Variants in COA1 observed in about 807,000 individuals in gnomAD.
The protein encoded by COA1 is cytochrome c oxidase assembly factor 1.
COA1 carries 13 observed loss-of-function variants against 16.0 expected under a neutral mutation model. The ratio of observed to expected loss-of-function variants is 0.81; its 90% CI spans 0.53 to 1.29. The LOEUF is 1.29. Ranked by LOEUF, COA1 falls within the 50% of genes most tolerant of loss-of-function variation. COA1 has a pLI of 0.00. For synonymous variants in COA1, 65 were observed against 65.7 expected (o/e 0.99, Z 0.05); for missense variants, 179 against 177.0 (o/e 1.01, Z -0.06).
chr7:43,727,324 T>C (rs1435948341), intron 1 of COA1, among the ~76,000 whole-genome samples: 3 of 152,184 alleles, frequency 2.0e-5, no homozygotes, highest in Non-Finnish European at 2.9e-5. Context: ...TTTCTTAAAA[T>C]GTTAAACAGA....
At chr7:43,623,368 G>A (rs2084124288) in intron 6 of COA1, 2 of 546,214 alleles carry the variant, frequency 3.7e-6, no homozygotes, top group South Asian at 2.4e-5. Flanking sequence ...ACAATGGTGG[G>A]TAGAAGTGTG....
intron 6 of COA1, among the ~76,000 whole-genome samples, chr7:43,627,114 AT>A (rs2084640748): frequency 6.6e-6 from 1 of 152,222 alleles, no homozygotes; most frequent in Non-Finnish European, 1.5e-5. Context: ...CGGTTTATAA[AT>A]CCAGTTTTAA....
intron 1 of COA1, among the ~76,000 whole-genome samples, chr7:43,680,031 T>C (rs1190319951): frequency 6.6e-6 from 1 of 152,018 alleles, no homozygotes; most frequent in Non-Finnish European, 1.5e-5. Flanking sequence ...AGATAATAAA[T>C]AATGGAAAGA....
downstream of COA1, among the ~76,000 whole-genome samples, chr7:43,638,566 CTTTTTTTTTT>C (rs746584234): frequency 1.0e-5 from 1 of 97,426 alleles, no homozygotes; most frequent in African/African-American, 3.9e-5. Flanking sequence ...TTTTTCTTTC[CTTTTTTTTTT>C]TTTTTTTTTT....
chr7:43,727,391 C>T (rs1482034517), intron 1 of COA1, among the ~76,000 whole-genome samples: 1 of 152,198 alleles, frequency 6.6e-6, no homozygotes, highest in Non-Finnish European at 1.5e-5. Context: ...GAAATGAAAA[C>T]ATGATGTCCA....
At chr7:43,700,161 G>A (rs1177758951) in intron 1 of COA1, among the ~76,000 whole-genome samples, 1 of 151,998 alleles carries the variant, frequency 6.6e-6, no homozygotes, top group Non-Finnish European at 1.5e-5. Context: ...GCACCATCTA[G>A]TGGCAAATCT....
At chr7:43,651,346 C>T (rs2090734926) in intron 1 of COA1, among the ~76,000 whole-genome samples, 1 of 152,148 alleles carries the variant, frequency 6.6e-6, no homozygotes, top group African/African-American at 2.4e-5. Context: ...AAAGCACTGG[C>T]CAAGGTCTCT....
intron 4 of COA1, among the ~76,000 whole-genome samples, chr7:43,644,746 A>C: frequency 1.1e-5 from 1 of 91,196 alleles, no homozygotes; most frequent in African/African-American, 3.9e-5. Flanking sequence ...AGATAGATAG[A>C]TAGATAGATA....
At chr7:43,638,965 G>A (rs1363145652), downstream of COA1, 1 of 152,208 alleles carries the variant, frequency 6.6e-6, no homozygotes, top group Non-Finnish European at 1.5e-5. Flanking sequence ...AAAATGTTTG[G>A]AATAAAAACA....
At chr7:43,626,628 TTA>T (rs949845723) in intron 6 of COA1, 1 of 152,128 alleles carries the variant, frequency 6.6e-6, no homozygotes, top group African/African-American at 2.4e-5. Context: ...AGGCAAATAT[TTA>T]TCTCTCTGAA....
intron 1 of COA1, among the ~76,000 whole-genome samples, chr7:43,726,011 T>C (rs2095609991): frequency 6.6e-6 from 1 of 152,042 alleles, no homozygotes; most frequent in Admixed American, 6.6e-5. Context: ...ATAGCTACAC[T>C]CAACCTCTGC....
intron 3 of COA1, chr7:43,647,107 T>G (rs1021945808): frequency 1.6e-5 from 3 of 189,022 alleles, no homozygotes; most frequent in African/African-American, 7.0e-5. Context: ...TTGCTCATGG[T>G]CCCTCCTCCA....
chr7:43,708,692 T>C (rs1164179800), intron 1 of COA1, among the ~76,000 whole-genome samples: 1 of 152,226 alleles, frequency 6.6e-6, no homozygotes. Context: ...ATTATTCTAC[T>C]GGCTTGTCTT....
intron 6 of COA1, among the ~76,000 whole-genome samples, chr7:43,610,130 A>G (rs963797363): frequency 1.3e-5 from 2 of 150,278 alleles, no homozygotes; most frequent in African/African-American, 4.9e-5. Context: ...GCGGATCACA[A>G]GGTCAGGAGA....
intron 6 of COA1, among the ~76,000 whole-genome samples, chr7:43,628,391 C>T (rs1047345089): frequency 2.0e-5 from 3 of 152,102 alleles, no homozygotes; most frequent in African/African-American, 7.2e-5. Flanking sequence ...TTCTGTGGGG[C>T]TATTATAAAT....
chr7:43,619,413 G>A (rs902798918), intron 6 of COA1, among the ~76,000 whole-genome samples: 2 of 152,188 alleles, frequency 1.3e-5, no homozygotes, highest in Non-Finnish European at 2.9e-5. Context: ...GAAAATACAA[G>A]AGAGTACAGG....
intron 6 of COA1, chr7:43,622,899 CATT>C (rs886886797): frequency 1.3e-5 from 2 of 152,382 alleles, no homozygotes; most frequent in African/African-American, 2.4e-5. Flanking sequence ...GACAGAGTCT[CATT>C]ATGTTGCCCA....
chr7:43,637,233 C>T (rs1360961031), downstream of COA1, among the ~76,000 whole-genome samples: 1 of 152,134 alleles, frequency 6.6e-6, no homozygotes, highest in African/African-American at 2.4e-5. Context: ...TCTTTTGGCA[C>T]AGTATTATAA....
intron 1 of COA1, among the ~76,000 whole-genome samples, chr7:43,657,559 C>T (rs1259721654): frequency 2.0e-5 from 3 of 152,060 alleles, no homozygotes; most frequent in African/African-American, 4.8e-5. Flanking sequence ...AACCAGGCGC[C>T]GTGCTAGGCA....
Sources: gnomAD v4.1 joint callset for allele counts (sites outside exome capture counted in the v4.1 genomes callset) on GRCh38, gnomAD v4.1.1 for gene constraint, MANE v1.5 for transcripts, NCBI Gene and HGNC (gene_info 2026-07-23, HGNC 2026-07-21) for gene names.